Variants in TTBK2 observed in about 807,000 individuals in gnomAD.
TTBK2 encodes tau tubulin kinase 2.
Under a neutral mutation model 110.8 loss-of-function variants are expected in TTBK2, and 28 were observed. That is an observed-to-expected ratio of 0.25 (90% CI 0.19 to 0.35). The LOEUF is 0.35. TTBK2 is among the 10% of genes least tolerant of loss of function. TTBK2 has a pLI of 1.00. For synonymous variants in TTBK2, 532 were observed against 527.3 expected (o/e 1.01, Z -0.12); for missense variants, 1,369 against 1,500.3 (o/e 0.91, Z 1.45).
chr15:42,824,690 G>T (rs1892453003), intron 6 of TTBK2, among the ~76,000 whole-genome samples: 1 of 152,012 alleles, frequency 6.6e-6, no homozygotes, highest in Non-Finnish European at 1.5e-5. Context: ...GACACAAAGG[G>T]AACGATGTAC....
At chr15:42,780,049 G>C (rs998371068) in intron 11 of TTBK2, among the ~76,000 whole-genome samples, 5 of 151,466 alleles carry the variant, frequency 3.3e-5, no homozygotes, top group Admixed American at 2.0e-4. Context: ...TTGAGACAGA[G>C]TCTCACTCTG....
At chr15:42,881,870 C>CA (rs1409487734) in intron 1 of TTBK2, among the ~76,000 whole-genome samples, 73 of 132,240 alleles carry the variant, frequency 5.5e-4, no homozygotes, top group South Asian at 2.1e-3. Context: ...GACTCTGTCT[C>CA]AAAAAAAAAA....
rs1013082994 is a variant in TTBK2, at chr15:42,745,495, T to G, written c.*300A>C. The stretch of plus-strand genomic sequence containing the variant: ...TAAAATTCCATTCTATCTCCTATCC[T>G]CAACTCTTTTGTTTCAAAGGCAGCT... On this transcript the variant is annotated 3_prime_UTR_variant, in exon 15 of 15. Transcript: ENST00000267890. 5.8e-5 allele frequency: 24 copies of G among 412,686 alleles called. No individual in the cohort carries two copies. Among genetic ancestry groups the G allele is most frequent in the African/African-American group, 4.8e-4 (24 of 49,606 alleles). 25.6% of individuals were successfully genotyped at this position (412,686 alleles called of 1,614,324 possible). A position where few individuals can be genotyped will look rare whatever the true frequency, so the allele number is the denominator to read the frequency against.
chr15:42,763,115 TATAC>T (rs1264365420), intron 13 of TTBK2, among the ~76,000 whole-genome samples: 3 of 113,460 alleles, frequency 2.6e-5, no homozygotes, highest in Admixed American at 9.7e-5. Flanking sequence ...TATATATATA[TATAC>T]ACATATATAT....
At chr15:42,899,426 T>A (rs1031033119) in intron 1 of TTBK2, among the ~76,000 whole-genome samples, 1 of 150,092 alleles carries the variant, frequency 6.7e-6, no homozygotes, top group South Asian at 2.1e-4. Flanking sequence ...TGAAACCCCA[T>A]CTCAACTAAA....
rs1417910989 is a variant in TTBK2 at position 42,744,343 on chromosome 15, T to C, written c.*1452A>G. 1 of 152,268 alleles carries C rather than the reference T, an allele frequency of 6.6e-6. No individual in the cohort carries two copies. Among genetic ancestry groups the C allele is most frequent in the East Asian group, 1.9e-4 (1 of 5,206 alleles). 9.4% of individuals were successfully genotyped at this position (152,268 alleles called of 1,614,324 possible). A position where few individuals can be genotyped will look rare whatever the true frequency, so the allele number is the denominator to read the frequency against. On this transcript the variant is annotated 3_prime_UTR_variant, in exon 15 of 15. Transcript: ENST00000267890. Reference sequence around the variant, plus strand: ...GGAGGAAATGTATTCCTTTCTTTTTTTTTTGTTTCCCAATTCAACTGTATT... The same window carrying C: ...GGAGGAAATGTATTCCTTTCTTTTTCTTTTGTTTCCCAATTCAACTGTATT...
intron 1 of TTBK2, among the ~76,000 whole-genome samples, chr15:42,915,716 G>A (rs113914743): frequency 5.3e-4 from 81 of 152,294 alleles, no homozygotes; most frequent in African/African-American, 1.9e-3. Context: ...GGAGGCTGAG[G>A]TGGGAGGATT....
chr15:42,908,559 G>A (rs748818787), intron 1 of TTBK2, among the ~76,000 whole-genome samples: 8 of 152,188 alleles, frequency 5.3e-5, no homozygotes, highest in Non-Finnish European at 8.8e-5. Context: ...CATTATCATA[G>A]TTAATATCAA....
At chr15:42,759,989 A>AAGAT (rs2062000885) in intron 13 of TTBK2, among the ~76,000 whole-genome samples, 1 of 152,164 alleles carries the variant, frequency 6.6e-6, no homozygotes, top group Non-Finnish European at 1.5e-5. Context: ...TAAGAGAATA[A>AAGAT]AGATAGACAA....
chr15:42,751,767 C>T (rs564627094), intron 14 of TTBK2, among the ~76,000 whole-genome samples: 11 of 152,102 alleles, frequency 7.2e-5, no homozygotes, highest in Admixed American at 7.2e-4. Flanking sequence ...ACAAAAGATG[C>T]TAAATTTTAT....
intron 1 of TTBK2, among the ~76,000 whole-genome samples, chr15:42,910,017 A>C (rs1357617887): frequency 1.3e-5 from 2 of 152,094 alleles, no homozygotes; most frequent in Non-Finnish European, 2.9e-5. Flanking sequence ...CAAAACAAAA[A>C]AGGCAGGTGA....
rs567972612 is a variant in TTBK2 at position 42,766,446 on chromosome 15, C to CAAAAAAAAA, written c.1998+8680_1998+8688dup. ...GAAGATCTACCAAGCGAATGGAAAG[C>CAAAAAAAAA]AAAAAAAAAAAAAAAAAAAAAGCAA... is the stretch of plus-strand genomic sequence containing the variant. On this transcript the variant is annotated intron_variant, in intron 13 of 14. Coordinates refer to ENST00000267890, the MANE Select transcript of TTBK2 (RefSeq NM_173500.4). Among the ~76,000 whole-genome samples, 16 of 30,854 alleles carry CAAAAAAAAA rather than the reference C, an allele frequency of 5.2e-4. 1 individual carries two copies. Among genetic ancestry groups the CAAAAAAAAA allele is most frequent in the African/African-American group, 2.3e-3 (7 of 3,084 alleles). The allele number at this position is 30,854 out of a possible 152,430, so 20.2% of individuals were successfully genotyped here.
intron 1 of TTBK2, among the ~76,000 whole-genome samples, chr15:42,909,965 A>G (rs2030652961): frequency 6.6e-6 from 1 of 152,144 alleles, no homozygotes; most frequent in Admixed American, 6.6e-5. Context: ...AGACCAGCCT[A>G]AACAACACAG....
chr15:42,841,308 C>A (rs1595972650), intron 3 of TTBK2, among the ~76,000 whole-genome samples: 1 of 152,192 alleles, frequency 6.6e-6, no homozygotes, highest in South Asian at 2.1e-4. Flanking sequence ...CTGGAGGGCT[C>A]AACTGATCCT....
At chr15:42,892,058 G>T in intron 1 of TTBK2, among the ~76,000 whole-genome samples, 1 of 152,118 alleles carries the variant, frequency 6.6e-6, no homozygotes, top group East Asian at 1.9e-4. Flanking sequence ...CACAAGGAAC[G>T]TACACCAAAA....
At chr15:42,836,630 G>A (rs1892996349) in intron 4 of TTBK2, among the ~76,000 whole-genome samples, 2 of 152,132 alleles carry the variant, frequency 1.3e-5, no homozygotes, top group African/African-American at 4.8e-5. Flanking sequence ...AGTCTCTTAG[G>A]TTTCCCAGTA....
At chr15:42,801,137 G>A in intron 9 of TTBK2, 1 of 1,077,918 alleles carries the variant, frequency 9.3e-7, no homozygotes, top group Non-Finnish European at 1.4e-6. Flanking sequence ...GGCCCCCATA[G>A]GCCAAGCTCT....
At chr15:42,846,852 G>T (rs1441406353) in intron 3 of TTBK2, among the ~76,000 whole-genome samples, 1 of 152,100 alleles carries the variant, frequency 6.6e-6, no homozygotes, top group African/African-American at 2.4e-5. Flanking sequence ...GCTCTATAAA[G>T]ACTCTTGAAC....
chr15:42,834,037 A>C (rs761231329), intron 4 of TTBK2, among the ~76,000 whole-genome samples: 2 of 151,550 alleles, frequency 1.3e-5, no homozygotes, highest in Non-Finnish European at 2.9e-5. Flanking sequence ...ACAAAACAAA[A>C]CAAAATTAGC....
Sources: gnomAD v4.1 joint callset for allele counts (sites outside exome capture counted in the v4.1 genomes callset) on GRCh38, gnomAD v4.1.1 for gene constraint, MANE v1.5 for transcripts, NCBI Gene and HGNC (gene_info 2026-07-23, HGNC 2026-07-21) for gene names.